NUP107: variants seen among roughly 807,000 people sequenced by gnomAD.
The protein encoded by NUP107 is nuclear pore complex protein Nup107.
Under a neutral mutation model 141.0 loss-of-function variants are expected in NUP107, and 101 were observed. That is an observed-to-expected ratio of 0.72 (90% CI 0.61 to 0.84). The LOEUF (loss-of-function observed/expected upper bound fraction) is 0.84, where lower values mean the gene tolerates loss of function less well. Ranked by LOEUF, NUP107 falls within the 40% of genes least tolerant of loss-of-function variation. NUP107 has a pLI of 0.00. For synonymous variants in NUP107, 319 were observed against 363.9 expected (o/e 0.88, Z 1.41); for missense variants, 941 against 1,102.7 (o/e 0.85, Z 2.08).
At chr12:68,733,826 A>T (rs746132682) in intron 24 of NUP107, among the ~76,000 whole-genome samples, 2 of 152,192 alleles carry the variant, frequency 1.3e-5, no homozygotes, top group African/African-American at 2.4e-5. Flanking sequence ...ATCATCTCAC[A>T]TGGTAGATAG....
At chr12:68,714,566 T>C (rs1277934939) in intron 11 of NUP107, among the ~76,000 whole-genome samples, 1 of 152,226 alleles carries the variant, frequency 6.6e-6, no homozygotes, top group Non-Finnish European at 1.5e-5. Context: ...TATTATGTAT[T>C]CCATTTTCTG....
rs572009320 is a variant in NUP107, at chr12:68,703,001, G to A, written c.729+217G>A. 1.1e-3 allele frequency among the ~76,000 whole-genome samples: 162 copies of A among 151,940 alleles called. 3 individuals carry two copies. In the South Asian group the frequency reaches 0.015, roughly 14 times the overall value. ...TGGGATTACAGGCGTGCCCCACCAC[G>A]CCCAGCTAATTTTTTGTATTTTTAA... On this transcript the variant is annotated intron_variant, in intron 8 of 27. Transcript: ENST00000229179.
intron 8 of NUP107, chr12:68,705,894 G>A (rs1442748715): frequency 5.8e-6 from 5 of 866,728 alleles, no homozygotes; most frequent in African/African-American, 3.3e-5. Flanking sequence ...TCCAAGCTGT[G>A]TGCACCCAGG....
intron 10 of NUP107, among the ~76,000 whole-genome samples, chr12:68,713,239 G>A (rs1231070086): frequency 2.0e-5 from 3 of 151,888 alleles, no homozygotes; most frequent in Non-Finnish European, 2.9e-5. Flanking sequence ...GCAGGGCATG[G>A]TGGCGCGTGT....
intron 17 of NUP107, among the ~76,000 whole-genome samples, chr12:68,724,758 G>C (rs1343333853): frequency 6.6e-6 from 1 of 152,026 alleles, no homozygotes; most frequent in Non-Finnish European, 1.5e-5. Context: ...TCCAGCCTGG[G>C]CAACAGAGTG....
intron 18 of NUP107, 58 bp downstream of exon 18, chr12:68,725,854 TG>T: frequency 1.0e-6 from 1 of 981,784 alleles, no homozygotes; most frequent in Non-Finnish European, 1.5e-6. Flanking sequence ...TTTTTTTTTT[TG>T]AGACAAAGTC....
rs761210760 is a variant in NUP107, at chr12:68,731,232, C to CAGAATTTG, written c.1857_1858insAGAATTTG (p.His620ArgfsTer19). ...GTGTTACAGAATTTGAACAGCGCCA[C>CAGAATTTG]CATTGCCTGGAGTTGGCTAAAGAAG... On this transcript the variant is annotated frameshift_variant, in exon 21 of 28. Coordinates refer to ENST00000229179, the MANE Select transcript of NUP107 (RefSeq NM_020401.4). LOFTEE classifies it high-confidence loss of function. 1 of 1,606,072 alleles carries CAGAATTTG rather than the reference C, an allele frequency of 6.2e-7. No individual in the cohort carries two copies.
Position 68,700,799 on chromosome 12 carries a change from T to C in NUP107, c.626T>C (p.Leu209Pro). The part of the protein sequence containing the change: ...LQKFSKTASM[L>P]WLLQQEMVTW... Reference sequence around the variant, plus strand: ...AAATTTTCAAAAACAGCCAGTATGCTCTGGCTTCTTCAACAGGAGATGGTC... The same window carrying C: ...AAATTTTCAAAAACAGCCAGTATGCCCTGGCTTCTTCAACAGGAGATGGTC... Residue 209 changes from leucine to proline, a missense_variant, in exon 7 of 28, where the codon CTC (leucine) becomes CCC (proline). By Grantham distance (98) the Leu-to-Pro change is moderately conservative. Transcript: ENST00000229179. The C allele has an allele frequency of 6.2e-7, 1 of 1,610,480 alleles. No individual in the cohort carries two copies. Among genetic ancestry groups the C allele is most frequent in the Non-Finnish European group, 8.5e-7 (1 of 1,178,840 alleles).
intron 1 of NUP107, 137 bp downstream of exon 1, chr12:68,687,210 G>C: frequency 7.9e-7 from 1 of 1,265,938 alleles, no homozygotes; most frequent in Non-Finnish European, 1.1e-6. Flanking sequence ...TCCCCATGCC[G>C]GGAAATTTGG....
At chr12:68,704,278 A>G (rs993921066) in intron 8 of NUP107, among the ~76,000 whole-genome samples, 1 of 152,152 alleles carries the variant, frequency 6.6e-6, no homozygotes, top group African/African-American at 2.4e-5. Context: ...AAACATGCAA[A>G]TAGCCTCAGA....
At position 68,692,057 on chromosome 12, in the gene NUP107, A is replaced by G. The variant is rs753783445; in HGVS notation, c.393A>G (p.Thr131=). ...CAAACACAGAGCCCCACAGTATAAC[A>G]GAAGATGTAACTATCAGTGCTGTTA... ...LFTNTEPHSI[T]EDVTISAVML... is the part of the protein sequence containing the mutation. Residue 131 remains threonine, a synonymous_variant, in exon 5 of 28, where the codon ACA becomes ACG. Transcript: ENST00000229179. The G allele has an allele frequency of 6.2e-7, 1 of 1,612,312 alleles. No individual in the cohort carries two copies.
At chr12:68,689,106 A>G (rs1875651566) in intron 2 of NUP107, 53 bp downstream of exon 2, 4 of 1,423,748 alleles carry the variant, frequency 2.8e-6, no homozygotes, top group Non-Finnish European at 3.9e-6. Flanking sequence ...GTTTGGAATC[A>G]GTGTTGTAGA....
chr12:68,742,578 T>A lies in NUP107; in HGVS notation c.*116T>A, dbSNP rs865831442. 26 of 527,742 alleles carry A rather than the reference T, an allele frequency of 4.9e-5. No individual in the cohort carries two copies. The highest frequency in any genetic ancestry group is 9.9e-5 in the African/African-American group (5 of 50,454). The allele number at this position is 527,742 out of a possible 1,614,324, so 32.7% of individuals were successfully genotyped here. On this transcript the variant is annotated 3_prime_UTR_variant, in exon 28 of 28. Coordinates refer to ENST00000229179, the MANE Select transcript of NUP107 (RefSeq NM_020401.4). The stretch of plus-strand genomic sequence containing the variant: ...ATGTAAAATTTAGACATTTGAATTT[T>A]GTACTTTTCAGAATATTATCGTGAC...
intron 10 of NUP107, among the ~76,000 whole-genome samples, chr12:68,712,577 GA>G: frequency 6.7e-6 from 1 of 149,544 alleles, no homozygotes; most frequent in East Asian, 1.9e-4. Flanking sequence ...AAGTGGATGT[GA>G]TTTTTTTTCT....
At chr12:68,716,045 A>G (rs1197541524) in intron 12 of NUP107, among the ~76,000 whole-genome samples, 1 of 151,052 alleles carries the variant, frequency 6.6e-6, no homozygotes, top group Non-Finnish European at 1.5e-5. Flanking sequence ...GTTCCGTTTG[A>G]GATTTTTGTT....
chr12:68,701,946 A>G (rs991573908), intron 7 of NUP107, among the ~76,000 whole-genome samples: 1 of 151,940 alleles, frequency 6.6e-6, no homozygotes, highest in Non-Finnish European at 1.5e-5. Context: ...AGTAGCTGGT[A>G]TTACAGATGC....
chr12:68,688,639 A>G, intron 1 of NUP107, among the ~76,000 whole-genome samples: 1 of 152,220 alleles, frequency 6.6e-6, no homozygotes, highest in East Asian at 1.9e-4. Flanking sequence ...CAAGGGAAAT[A>G]AGATTCACTT....
At chr12:68,698,502 G>A (rs926454997) in intron 6 of NUP107, among the ~76,000 whole-genome samples, 27 of 152,132 alleles carry the variant, frequency 1.8e-4, no homozygotes, top group Middle Eastern at 3.2e-3. Flanking sequence ...CTACACAGAC[G>A]TTTATTACAG....
intron 25 of NUP107, 53 bp downstream of exon 25, chr12:68,734,886 T>C (rs1315443936): frequency 1.9e-6 from 3 of 1,568,980 alleles, no homozygotes; most frequent in African/African-American, 2.7e-5. Context: ...AAATGTGTGT[T>C]GTATATTTAA....
Sources: gnomAD v4.1 joint callset for allele counts (sites outside exome capture counted in the v4.1 genomes callset) on GRCh38, gnomAD v4.1.1 for gene constraint, MANE v1.5 for transcripts, NCBI Gene and HGNC (gene_info 2026-07-23, HGNC 2026-07-21) for gene names.